PCDHGB1: variants seen among roughly 807,000 people sequenced by gnomAD.
The protein encoded by PCDHGB1 is protocadherin gamma-B1.
Under a neutral mutation model 56.6 loss-of-function variants are expected in PCDHGB1, and 34 were observed. The observed-to-expected ratio is 0.60, with a 90% CI of 0.46 to 0.80. The LOEUF (loss-of-function observed/expected upper bound fraction) is 0.80, where lower values mean the gene tolerates loss of function less well. Ranked by LOEUF, PCDHGB1 falls within the 30% of genes least tolerant of loss-of-function variation. The probability of loss-of-function intolerance (pLI) is 0.00; values close to 1 mark genes in which losing one functional copy is unlikely to be tolerated. For synonymous variants in PCDHGB1, 561 were observed against 505.9 expected (o/e 1.11, Z -1.46); for missense variants, 1,278 against 1,204.6 (o/e 1.06, Z -0.90).
intron 1 of PCDHGB1, chr5:141,393,578 G>T: frequency 6.2e-7 from 1 of 1,613,930 alleles, no homozygotes; most frequent in Non-Finnish European, 8.5e-7. Context: ...TTGAGAACAT[G>T]CCCCCAGGCA....
At chr5:141,365,887 C>T in intron 1 of PCDHGB1, 1 of 1,614,160 alleles carries the variant, frequency 6.2e-7, no homozygotes, top group Middle Eastern at 1.6e-4. Flanking sequence ...CTCTGAGATC[C>T]TTCGACTATG....
chr5:141,384,812 T>C, intron 1 of PCDHGB1: 1 of 1,613,428 alleles, frequency 6.2e-7, no homozygotes, highest in African/African-American at 1.3e-5. Context: ...AGAGATGCCC[T>C]CAAGCAGAGC....
intron 1 of PCDHGB1, chr5:141,415,752 T>C: frequency 7.3e-7 from 1 of 1,372,622 alleles, no homozygotes; most frequent in Non-Finnish European, 9.4e-7. Flanking sequence ...TTTTTTTTTT[T>C]TTTTTTTTTT....
At chr5:141,427,898 C>A (rs2154552434) in intron 1 of PCDHGB1, 1 of 1,570,872 alleles carries the variant, frequency 6.4e-7, no homozygotes, top group Non-Finnish European at 8.7e-7. Context: ...AGGGCTCGCC[C>A]GCGCTCAGCG....
At chr5:141,506,680 A>G (rs949777571) in intron 3 of PCDHGB1, among the ~76,000 whole-genome samples, 1 of 152,212 alleles carries the variant, frequency 6.6e-6, no homozygotes, top group Non-Finnish European at 1.5e-5. Context: ...ATATATTATT[A>G]TCTTTGCTGA....
rs753538822 is a variant in PCDHGB1, at chr5:141,476,676, G to C, written c.2410-18131G>C. 6 of 1,614,222 alleles carry C rather than the reference G, an allele frequency of 3.7e-6. No individual in the cohort carries two copies. Among genetic ancestry groups the C allele is most frequent in the Non-Finnish European group, 4.2e-6 (5 of 1,180,054 alleles). ...TACTTTGCGCTTCGCGTGCAGACGCGGGAGGACAGCACCAAGTACGCGGAG... is the reference window on the plus strand; with the variant it reads ...TACTTTGCGCTTCGCGTGCAGACGCCGGAGGACAGCACCAAGTACGCGGAG... On this transcript the variant is annotated intron_variant, in intron 1 of 3. Transcript: ENST00000523390. The surrounding 1 kb of genome is among the most constrained non-coding windows in gnomAD (Gnocchi z 7.6).
At chr5:141,375,062 C>G in intron 1 of PCDHGB1, 1 of 1,613,996 alleles carries the variant, frequency 6.2e-7, no homozygotes, top group Non-Finnish European at 8.5e-7. Flanking sequence ...TGGGCCAGGT[C>G]TTCGAGACAG....
chr5:141,456,229 C>G (rs191169523), intron 1 of PCDHGB1, among the ~76,000 whole-genome samples: 9 of 152,234 alleles, frequency 5.9e-5, no homozygotes, highest in African/African-American at 1.7e-4. Context: ...ATCAAACTAA[C>G]TGCTGTTAGG....
intron 1 of PCDHGB1, chr5:141,395,582 G>T (rs1200378126): frequency 5.5e-6 from 1 of 181,100 alleles, no homozygotes; most frequent in Non-Finnish European, 1.1e-5. Flanking sequence ...GTGTGTGTGT[G>T]TGTGTGTGTA....
intron 1 of PCDHGB1, among the ~76,000 whole-genome samples, chr5:141,455,082 G>A (rs1323760148): frequency 1.3e-5 from 2 of 151,932 alleles, no homozygotes; most frequent in African/African-American, 2.4e-5. Context: ...AAAGTGCTGG[G>A]ATTACAGGCT....
At chr5:141,481,812 C>T (rs2099545604) in intron 1 of PCDHGB1, among the ~76,000 whole-genome samples, 2 of 149,798 alleles carry the variant, frequency 1.3e-5, no homozygotes, top group South Asian at 2.1e-4. Context: ...ATTCACCAGG[C>T]GTGGTGGCTG....
chr5:141,477,560 T>C lies in PCDHGB1; in HGVS notation c.2410-17247T>C, dbSNP rs2099412994. The C allele has an allele frequency of 1.2e-6, 2 of 1,614,078 alleles. No homozygotes were observed. Among genetic ancestry groups the C allele is most frequent in the South Asian group, 2.2e-5 (2 of 91,094 alleles). ...GGCTCCAATACTAAACCTAAGTGTC[T>C]GGGACCCCGACGCCCCGCAGAATGC... On this transcript the variant is annotated intron_variant, in intron 1 of 3. Transcript: ENST00000523390. This position sits in a 1 kb window ranked among gnomAD's most constrained non-coding sequence, Gnocchi z 4.9.
chr5:141,487,361 A>C lies in PCDHGB1; in HGVS notation c.2410-7446A>C. On this transcript the variant is annotated intron_variant, in intron 1 of 3. Transcript: ENST00000523390. This position sits in a 1 kb window ranked among gnomAD's most constrained non-coding sequence, Gnocchi z 5.0. ...TGGAGTCACATGCTTTCCTGCTGGC[A>C]CCTGTGCCTGTCTCACCAGATCTCG... The C allele has an allele frequency of 1.2e-6, 2 of 1,613,834 alleles. No individual in the cohort carries two copies. Among genetic ancestry groups the C allele is most frequent in the East Asian group, 2.2e-5 (1 of 44,860 alleles).
Position 141,361,293 on chromosome 5 carries a change from GT to G in PCDHGB1, c.2409+8626del, listed in dbSNP as rs748961752. 9.3e-6 allele frequency: 15 copies of G among 1,614,018 alleles called. No homozygotes were observed. The Admixed American group carries it at 2.3e-4, about 25-fold the overall frequency. On this transcript the variant is annotated intron_variant, in intron 1 of 3. Coordinates refer to ENST00000523390, the MANE Select transcript of PCDHGB1 (RefSeq NM_018922.3). The stretch of plus-strand genomic sequence containing the variant: ...AAAATGGAGAAGTTTACTGCCAAGT[GT>G]TGGGAAATGCCAAGTTTATTTTGAA...
intron 1 of PCDHGB1, among the ~76,000 whole-genome samples, chr5:141,474,511 C>T (rs2099350824): frequency 6.6e-6 from 1 of 152,202 alleles, no homozygotes; most frequent in Non-Finnish European, 1.5e-5. Context: ...TATCAGCCCT[C>T]TTGCTGGTCT....
chr5:141,437,512 G>A (rs1201910374), intron 1 of PCDHGB1, among the ~76,000 whole-genome samples: 2 of 152,144 alleles, frequency 1.3e-5, no homozygotes, highest in African/African-American at 2.4e-5. Flanking sequence ...TGAATTATAA[G>A]GCTGATGACA....
chr5:141,475,821 G>T, intron 1 of PCDHGB1: 1 of 352,534 alleles, frequency 2.8e-6, no homozygotes, highest in Non-Finnish European at 5.1e-6. Context: ...AGTTCCTGGC[G>T]CTAGCGCGTG....
chr5:141,409,753 G>T, intron 1 of PCDHGB1: 1 of 1,613,006 alleles, frequency 6.2e-7, no homozygotes. Context: ...TGTTCGCGCA[G>T]CGCGCCTTTG....
intron 1 of PCDHGB1, chr5:141,412,990 C>T: frequency 1.8e-6 from 1 of 569,958 alleles, no homozygotes. Flanking sequence ...AGAGCTCAAT[C>T]CGGATTCTCA....
Sources: gnomAD v4.1 joint callset for allele counts (sites outside exome capture counted in the v4.1 genomes callset) on GRCh38, gnomAD v4.1.1 for gene constraint, Gnocchi (gnomAD v3.1) non-coding constraint, MANE v1.5 for transcripts, NCBI Gene and HGNC (gene_info 2026-07-23, HGNC 2026-07-21) for gene names.